LPIN1: variants seen among roughly 807,000 people sequenced by gnomAD.
The protein encoded by LPIN1 is phosphatidate phosphatase LPIN1.
LPIN1 carries 71 observed loss-of-function variants against 107.5 expected under a neutral mutation model. The observed-to-expected ratio is 0.66, with a 90% CI of 0.55 to 0.80. LPIN1 has a LOEUF of 0.80. Among genes scored for constraint, LPIN1 ranks in the 30% least tolerant of loss-of-function variants. The pLI is 0.00. For synonymous variants in LPIN1, 445 were observed against 452.6 expected (o/e 0.98, Z 0.21); for missense variants, 1,043 against 1,160.6 (o/e 0.90, Z 1.47).
chr2:11,762,760 C>T (rs1237306373), intron 1 of LPIN1, among the ~76,000 whole-genome samples: 3 of 152,192 alleles, frequency 2.0e-5, no homozygotes, highest in East Asian at 3.8e-4. Context: ...TTTCCTATTA[C>T]ATCATAATAT....
intron 6 of LPIN1, among the ~76,000 whole-genome samples, chr2:11,777,991 G>A (rs1321590294): frequency 6.6e-6 from 1 of 152,188 alleles, no homozygotes; most frequent in Non-Finnish European, 1.5e-5. Flanking sequence ...GGAGGCCACA[G>A]CCTGCGCTTT....
intron 17 of LPIN1, among the ~76,000 whole-genome samples, chr2:11,809,912 G>A (rs1679367206): frequency 2.6e-5 from 4 of 152,290 alleles, no homozygotes; most frequent in South Asian, 4.1e-4. Context: ...CCCTGGGACC[G>A]AGTACCTTCC....
chr2:11,732,406 A>T (rs1665324609), intron 1 of LPIN1, among the ~76,000 whole-genome samples: 3 of 152,190 alleles, frequency 2.0e-5, no homozygotes, highest in Admixed American at 6.5e-5. Context: ...TCTACTCTAG[A>T]TTATAACATC....
At position 11,718,451 on chromosome 2, in the gene LPIN1, A is replaced by G. The variant is rs180844286; in HGVS notation, c.138+4639A>G. On this transcript the variant is annotated intron_variant, in intron 2 of 21. Coordinates refer to the LPIN1 transcript ENST00000449576. ...TCACCATGTTGGTCAGGCTGGTCTC[A>G]AACTCCTGACCTCAAGTGATCTGCC... is the stretch of plus-strand genomic sequence containing the variant. Among the ~76,000 whole-genome samples, 651 of 152,150 alleles carry G rather than the reference A, an allele frequency of 4.3e-3. 7 individuals carry two copies. Among genetic ancestry groups the G allele is most frequent in the African/African-American group, 0.015 (615 of 41,490 alleles).
intron 13 of LPIN1, among the ~76,000 whole-genome samples, chr2:11,792,629 T>G (rs962321408): frequency 6.6e-6 from 1 of 152,138 alleles, no homozygotes; most frequent in Non-Finnish European, 1.5e-5. Flanking sequence ...GCGATCTGCC[T>G]GCCTAGGCCT....
At chr2:11,807,282 G>A in intron 17 of LPIN1, among the ~76,000 whole-genome samples, 1 of 152,164 alleles carries the variant, frequency 6.6e-6, no homozygotes, top group Non-Finnish European at 1.5e-5. Flanking sequence ...TATGTGCAGC[G>A]TCGCCTCCCC....
At chr2:11,770,412 G>A (rs937527705) in intron 3 of LPIN1, among the ~76,000 whole-genome samples, 1 of 152,150 alleles carries the variant, frequency 6.6e-6, no homozygotes, top group Non-Finnish European at 1.5e-5. Context: ...CTGCCTGGCT[G>A]CCCATTCCCT....
chr2:11,718,377 A>G (rs1276406032), intron 2 of LPIN1, among the ~76,000 whole-genome samples: 1 of 151,342 alleles, frequency 6.6e-6, no homozygotes, highest in Non-Finnish European at 1.5e-5. Flanking sequence ...ACAGGTGCCC[A>G]CTACCATGCC....
At chr2:11,770,982 TCTA>T (rs1671754235) in intron 3 of LPIN1, among the ~76,000 whole-genome samples, 1 of 152,110 alleles carries the variant, frequency 6.6e-6, no homozygotes, top group African/African-American at 2.4e-5. Context: ...CACACCCACA[TCTA>T]CACAGAAGTG....
chr2:11,724,580 C>T, intron 1 of LPIN1: 1 of 985,552 alleles, frequency 1.0e-6, no homozygotes, highest in South Asian at 4.7e-5. Flanking sequence ...TTAATGGAAG[C>T]TGAGCCAGGT....
intron 14 of LPIN1, among the ~76,000 whole-genome samples, chr2:11,802,237 G>A (rs1435917749): frequency 1.3e-5 from 2 of 152,310 alleles, no homozygotes; most frequent in East Asian, 3.9e-4. Flanking sequence ...CATTATGTGA[G>A]CTATTTAAAG....
At chr2:11,709,719 C>T (rs969223027) in intron 1 of LPIN1, among the ~76,000 whole-genome samples, 1 of 152,246 alleles carries the variant, frequency 6.6e-6, no homozygotes, top group East Asian at 1.9e-4. Flanking sequence ...GAACGTTGGA[C>T]AACCCATTTG....
chr2:11,731,290 A>G (rs948231500), intron 1 of LPIN1, among the ~76,000 whole-genome samples: 1 of 149,534 alleles, frequency 6.7e-6, no homozygotes, highest in African/African-American at 2.5e-5. Context: ...ATGTGTTCTC[A>G]TTGTTCAACT....
At chr2:11,778,125 C>T (rs1672964968) in intron 6 of LPIN1, among the ~76,000 whole-genome samples, 1 of 125,218 alleles carries the variant, frequency 8.0e-6, no homozygotes, top group Non-Finnish European at 1.7e-5. Context: ...AGGAGCCTTT[C>T]CCACATGGAC....
At chr2:11,780,788 A>G (rs1355186594) in intron 7 of LPIN1, among the ~76,000 whole-genome samples, 1 of 152,202 alleles carries the variant, frequency 6.6e-6, no homozygotes, top group Non-Finnish European at 1.5e-5. Flanking sequence ...TAGAAGGGCT[A>G]ATGTAGGTAT....
At chr2:11,792,938 G>C (rs573644809) in intron 13 of LPIN1, among the ~76,000 whole-genome samples, 1 of 152,096 alleles carries the variant, frequency 6.6e-6, no homozygotes, top group Non-Finnish European at 1.5e-5. Context: ...CCTCTAGGAG[G>C]GTCCTCAAAG....
At chr2:11,690,198 G>C (rs1038181114) in intron 1 of LPIN1, among the ~76,000 whole-genome samples, 5 of 152,122 alleles carry the variant, frequency 3.3e-5, no homozygotes, top group Non-Finnish European at 5.9e-5. Context: ...TTTTGTCTCA[G>C]TTCATGATTT....
At chr2:11,713,726 T>C (rs1324698756) in intron 1 of LPIN1, 2 of 1,321,840 alleles carry the variant, frequency 1.5e-6, no homozygotes, top group African/African-American at 2.9e-5. Flanking sequence ...ACATTTCTAT[T>C]AATTAATTTC....
intron 1 of LPIN1, among the ~76,000 whole-genome samples, chr2:11,706,029 GC>G (rs1663112060): frequency 6.6e-6 from 1 of 152,140 alleles, no homozygotes; most frequent in African/African-American, 2.4e-5. Flanking sequence ...GAGTTTCCCT[GC>G]ACAAGCTCTC....
Sources: allele counts gnomAD v4.1 joint callset (sites outside exome capture counted in the v4.1 genomes callset), GRCh38; gene constraint gnomAD v4.1.1; transcripts MANE v1.5; gene names NCBI Gene and HGNC (gene_info 2026-07-23, HGNC 2026-07-21).